GPR176: variants seen among roughly 807,000 people sequenced by gnomAD.
The protein encoded by GPR176 is G protein-coupled receptor 176.
GPR176 carries 26 observed loss-of-function variants against 35.4 expected under a neutral mutation model. The ratio of observed to expected loss-of-function variants is 0.74; its 90% CI spans 0.54 to 1.02. The LOEUF (loss-of-function observed/expected upper bound fraction) is 1.02, where lower values mean the gene tolerates loss of function less well. Ranked by LOEUF, GPR176 falls within the 50% of genes least tolerant of loss-of-function variation. The pLI, the probability that GPR176 is intolerant of heterozygous loss-of-function variation, is 0.00. For synonymous variants in GPR176, 278 were observed against 271.3 expected (o/e 1.02, Z -0.24); for missense variants, 597 against 665.3 (o/e 0.90, Z 1.13).
intron 1 of GPR176, among the ~76,000 whole-genome samples, chr15:39,873,169 C>T (rs2032111920): frequency 6.6e-6 from 1 of 152,128 alleles, no homozygotes. Flanking sequence ...AAGACAACCT[C>T]ACAAAGTAGG....
intron 1 of GPR176, among the ~76,000 whole-genome samples, chr15:39,876,884 C>CAG (rs1262327013): frequency 2.0e-5 from 3 of 149,814 alleles, no homozygotes; most frequent in Admixed American, 6.7e-5. Flanking sequence ...GAGACAGAGA[C>CAG]AGAGAGAGAG....
intron 1 of GPR176, among the ~76,000 whole-genome samples, chr15:39,877,929 GC>G (rs1258763882): frequency 6.6e-6 from 1 of 152,006 alleles, no homozygotes; most frequent in Non-Finnish European, 1.5e-5. Flanking sequence ...CAATGACACA[GC>G]CGCATTTTCC....
intron 1 of GPR176, among the ~76,000 whole-genome samples, chr15:39,819,019 G>A (rs1216295911): frequency 6.6e-6 from 1 of 152,194 alleles, no homozygotes; most frequent in African/African-American, 2.4e-5. Context: ...GCCCTACTTA[G>A]CTGTGACAGT....
chr15:39,899,486 G>A (rs566037492), intron 1 of GPR176, among the ~76,000 whole-genome samples: 23 of 152,330 alleles, frequency 1.5e-4, no homozygotes, highest in African/African-American at 5.5e-4. Flanking sequence ...TGTATGAGAA[G>A]TGCCAGATCA....
At chr15:39,897,769 G>A (rs1415095647) in intron 1 of GPR176, among the ~76,000 whole-genome samples, 3 of 152,080 alleles carry the variant, frequency 2.0e-5, no homozygotes, top group African/African-American at 7.2e-5. Flanking sequence ...TTTGGCCATA[G>A]CCTAGTTTCT....
intron 1 of GPR176, among the ~76,000 whole-genome samples, chr15:39,888,429 G>A (rs1179570367): frequency 6.6e-6 from 1 of 152,098 alleles, no homozygotes; most frequent in Non-Finnish European, 1.5e-5. Context: ...AGGACTACAG[G>A]CACAGGCCAT....
chr15:39,836,979 T>C (rs909726640), intron 1 of GPR176, among the ~76,000 whole-genome samples: 1 of 152,152 alleles, frequency 6.6e-6, no homozygotes, highest in Non-Finnish European at 1.5e-5. Flanking sequence ...CCAGAAGTCA[T>C]CATACACAGA....
At chr15:39,825,233 G>C (rs1900557309) in intron 1 of GPR176, among the ~76,000 whole-genome samples, 2 of 151,988 alleles carry the variant, frequency 1.3e-5, no homozygotes, top group Admixed American at 6.6e-5. Context: ...AGAAGTATAG[G>C]AAGAAAGAAA....
intron 1 of GPR176, among the ~76,000 whole-genome samples, chr15:39,875,920 C>CATATAT (rs35699619): frequency 6.7e-6 from 1 of 148,502 alleles, no homozygotes; most frequent in Non-Finnish European, 1.5e-5. Context: ...ATGTTTAACT[C>CATATAT]ATATATATAT....
chr15:39,842,894 C>T (rs1008466857), intron 1 of GPR176, among the ~76,000 whole-genome samples: 2 of 152,114 alleles, frequency 1.3e-5, no homozygotes, highest in African/African-American at 4.8e-5. Flanking sequence ...CCAGGCATGA[C>T]AGGACTTGCC....
intron 1 of GPR176, among the ~76,000 whole-genome samples, chr15:39,827,477 A>G (rs1900747297): frequency 1.3e-5 from 2 of 152,164 alleles, no homozygotes; most frequent in Non-Finnish European, 2.9e-5. Context: ...TAGAGAAGAA[A>G]GTCTAATAGA....
intron 1 of GPR176, among the ~76,000 whole-genome samples, chr15:39,906,101 G>C (rs41497851): frequency 0.23 from 35,025 of 152,114 alleles, 4,561 homozygotes; most frequent in Non-Finnish European, 0.3. Flanking sequence ...GTGTACAAAT[G>C]GAAGCAACAG....
chr15:39,894,634 G>C (rs2033038239), intron 1 of GPR176: 1 of 177,286 alleles, frequency 5.6e-6, no homozygotes, highest in African/African-American at 2.4e-5. Flanking sequence ...CGGCCGGGCA[G>C]AGACGCTCCT....
At chr15:39,836,311 C>A (rs1901396296) in intron 1 of GPR176, among the ~76,000 whole-genome samples, 1 of 152,126 alleles carries the variant, frequency 6.6e-6, no homozygotes, top group Non-Finnish European at 1.5e-5. Context: ...GGGGGCAGAT[C>A]TCTCATAAAT....
intron 1 of GPR176, among the ~76,000 whole-genome samples, chr15:39,897,866 T>C (rs1232819458): frequency 6.6e-6 from 1 of 152,220 alleles, no homozygotes; most frequent in Non-Finnish European, 1.5e-5. Flanking sequence ...CCTCAGTGTC[T>C]GCATCTTTTC....
In GPR176 at chr15:39,919,977, T is replaced by G. The variant is rs1293261954; in HGVS notation, c.50A>C (p.Asn17Thr). The change falls in exon 1 of 3, where the codon AAC (asparagine) becomes ACC (threonine). Residue 17 changes from asparagine (N) to threonine (T), a missense_variant. Asn to Thr is a moderately conservative substitution (Grantham distance 65). Around this residue, in one of 3 missense-constraint regions of GPR176, gnomAD observed 126 missense variants for 112.4 expected, o/e 1.12. Coordinates refer to ENST00000561100, the MANE Select transcript of GPR176 (RefSeq NM_007223.3). ...WISPNASEPH[N>T]ASGAEAAGVN... ...ACCCGCAGCCTCGGCGCCGGACGCG[T>G]TGTGCGGCTCGCTGGCATTTGGAGA... 3.4e-6 allele frequency: 5 copies of G among 1,471,726 alleles called. No individual in the cohort carries two copies. The highest frequency in any genetic ancestry group is 4.5e-6 in the Non-Finnish European group (5 of 1,110,760). The allele number at this position is 1,471,726 out of a possible 1,614,324, so 91.2% of individuals were successfully genotyped here.
chr15:39,890,271 A>G (rs1326940654), intron 1 of GPR176, among the ~76,000 whole-genome samples: 1 of 152,206 alleles, frequency 6.6e-6, no homozygotes, highest in Non-Finnish European at 1.5e-5. Context: ...GCAAGTGCCA[A>G]CTTATTTTGT....
At chr15:39,912,067 A>G (rs2033592467) in intron 1 of GPR176, among the ~76,000 whole-genome samples, 2 of 152,220 alleles carry the variant, frequency 1.3e-5, no homozygotes, top group Non-Finnish European at 2.9e-5. Context: ...AGCAACTCAG[A>G]AGAAGGTCAT....
chr15:39,885,363 A>C (rs1354130380), intron 1 of GPR176, among the ~76,000 whole-genome samples: 1 of 152,234 alleles, frequency 6.6e-6, no homozygotes, highest in Non-Finnish European at 1.5e-5. Flanking sequence ...TCCAAAGCAA[A>C]TCAGGGAGTA....
Sources: allele counts gnomAD v4.1 joint callset (sites outside exome capture counted in the v4.1 genomes callset), GRCh38; gene constraint gnomAD v4.1.1; regional missense constraint gnomAD v4.1.1; transcripts MANE v1.5; gene names NCBI Gene and HGNC (gene_info 2026-07-23, HGNC 2026-07-21).